The following IL6ST variants were observed in gnomAD, a reference collection of about 807,000 sequenced individuals.
The protein encoded by IL6ST is interleukin-6 receptor subunit beta.
IL6ST carries 24 observed loss-of-function variants against 91.3 expected under a neutral mutation model. The observed-to-expected ratio is 0.26, with a 90% CI of 0.19 to 0.37. The LOEUF (loss-of-function observed/expected upper bound fraction) is 0.37. Among genes scored for constraint, IL6ST ranks in the 10% least tolerant of loss-of-function variants. The pLI is 1.00. For missense variants in IL6ST, 914 were observed against 1,078.5 expected, an observed-to-expected ratio of 0.85 and a Z score of 2.14; for synonymous variants, 351 against 373.6, an observed-to-expected ratio of 0.94 and a Z score of 0.70.
At chr5:55,954,286 A>C (rs980613841) in intron 11 of IL6ST, among the ~76,000 whole-genome samples, 1 of 152,220 alleles carries the variant, frequency 6.6e-6, no homozygotes, top group African/African-American at 2.4e-5. Context: ...AAGTTGTTGT[A>C]TCACTTTATA....
At chr5:55,964,370 G>A in intron 5 of IL6ST, 58 bp from the exon 6 acceptor site, 3 of 1,283,008 alleles carry the variant, frequency 2.3e-6, no homozygotes, top group Admixed American at 2.1e-5. Flanking sequence ...AAATTAGAGT[G>A]AAAAAAATTA....
At chr5:55,944,626 TAGCGCCATTTTTTTGGAAACCTC>T (rs1751128510) in intron 15 of IL6ST, 1 of 718,154 alleles carries the variant, frequency 1.4e-6, no homozygotes, top group Non-Finnish European at 2.4e-6. Context: ...CTCTCGGCCT[TAGCGCCATTTTTTTGGAAACCTC>T]GGCGCCATGA....
Position 55,960,674 on chromosome 5 carries a change from T to C in IL6ST, c.814-113A>G, listed in dbSNP as rs367556482. ...GCACAGCCTTGCTCTGTTGCCCAGG[T>C]TGGAGTGCAGTGGTGCGATCTTGGC... On this transcript the variant is annotated intron_variant, in intron 7 of 16. Coordinates refer to ENST00000381298, the MANE Select transcript of IL6ST (RefSeq NM_002184.4). 1,438 of 950,500 alleles carry C rather than the reference T, an allele frequency of 1.5e-3. 3 individuals carry two copies. The highest frequency in any genetic ancestry group is 3.4e-3 in the Middle Eastern group (15 of 4,354). 58.9% of individuals were successfully genotyped at this position (950,500 alleles called of 1,614,324 possible).
chr5:55,955,291 C>G (rs956668352), intron 10 of IL6ST, among the ~76,000 whole-genome samples: 1 of 152,150 alleles, frequency 6.6e-6, no homozygotes, highest in African/African-American at 2.4e-5. Context: ...AACCCCGTCT[C>G]TACTAAAAAT....
intron 2 of IL6ST, among the ~76,000 whole-genome samples, chr5:55,981,507 G>A (rs181809451): frequency 3.3e-5 from 5 of 152,258 alleles, no homozygotes; most frequent in Admixed American, 6.5e-5. Flanking sequence ...GCCGGGCATG[G>A]TGGCGCACAC....
At chr5:55,977,241 A>G (rs1190787176) in intron 2 of IL6ST, among the ~76,000 whole-genome samples, 1 of 151,542 alleles carries the variant, frequency 6.6e-6, no homozygotes. Context: ...TATACATTGT[A>G]TAACTCTATT....
intron 14 of IL6ST, 61 bp from the exon 15 acceptor site, chr5:55,947,650 A>G (rs1481284329): frequency 2.1e-6 from 2 of 946,742 alleles, no homozygotes; most frequent in Non-Finnish European, 3.2e-6. Flanking sequence ...TGACATATGA[A>G]CTAAGAAGAC....
intron 4 of IL6ST, among the ~76,000 whole-genome samples, chr5:55,969,003 G>A (rs1442455055): frequency 6.6e-6 from 1 of 152,144 alleles, no homozygotes; most frequent in Admixed American, 6.5e-5. Flanking sequence ...AGACCAGCCT[G>A]GCCAACATGG....
chr5:55,941,747 C>A lies in IL6ST; in HGVS notation c.2092G>T (p.Ala698Ser). 1 of 1,613,878 alleles carries A rather than the reference C, an allele frequency of 6.2e-7. No individual in the cohort carries two copies. The highest frequency in any genetic ancestry group is 2.2e-5 in the East Asian group (1 of 44,888). The change falls in exon 17 of 17, where the codon GCA becomes TCA. Residue 698 changes from alanine to serine, a missense_variant. Transcript: ENST00000381298. ...TCTGGAAAAGGCTTTTTGTCATTTG[C>A]TTCTATTTCCACAACACTTACATCA... ...FTDVSVVEIE[A>S]NDKKPFPEDL...
chr5:55,976,378 TA>T, intron 2 of IL6ST, 85 bp from the exon 3 acceptor site: 1 of 629,878 alleles, frequency 1.6e-6, no homozygotes. Context: ...TTCCATGCTG[TA>T]GCTGTGTTTC....
chr5:55,953,694 A>C (rs758036868), intron 11 of IL6ST, among the ~76,000 whole-genome samples: 109 of 152,322 alleles, frequency 7.2e-4, no homozygotes, highest in Non-Finnish European at 1.4e-3. Flanking sequence ...TGCTGCTTTA[A>C]AAAGTTTCTA....
intron 1 of IL6ST, among the ~76,000 whole-genome samples, chr5:55,993,762 T>C (rs1754466594): frequency 6.6e-6 from 1 of 152,204 alleles, no homozygotes; most frequent in African/African-American, 2.4e-5. Context: ...TTTCAGTTCA[T>C]AGTTCAAAAA....
Position 55,956,175 on chromosome 5 carries a change from A to G in IL6ST, c.1117T>C (p.Trp373Arg). Residue 373 changes from tryptophan (W) to arginine (R), a missense_variant, in exon 10 of 17, where the codon TGG (tryptophan) becomes CGG (arginine). Physicochemically the swap from Trp to Arg is moderately radical, Grantham distance 101 (BLOSUM62 -3). Transcript: ENST00000381298. Reference sequence around the variant, plus strand: ...GTGTAATTTTGTAAATGTGATTTCCATCTTGTGAGAGTCACTTCATAATCC... The same window carrying G: ...GTGTAATTTTGTAAATGTGATTTCCGTCTTGTGAGAGTCACTTCATAATCC... ...ILDYEVTLTR[W>R]KSHLQNYTVN... The G allele has an allele frequency of 6.2e-7, 1 of 1,612,920 alleles. No individual in the cohort carries two copies. The highest frequency in any genetic ancestry group is 1.1e-5 in the South Asian group (1 of 91,046).
At position 55,960,434 on chromosome 5, in the gene IL6ST, C is replaced by T. The variant is rs1752242010; in HGVS notation, c.941G>A (p.Ser314Asn). Residue 314 changes from serine (S) to asparagine (N), a missense_variant, in exon 8 of 17, where the codon AGT (serine) becomes AAT (asparagine). By Grantham distance (46) the Ser-to-Asn change is conservative. Transcript: ENST00000381298. ...EDGKGYWSDW[S>N]EEASGITYED... ...ATAGGTGATCCCACTTGCTTCTTCA[C>T]TCCAGTCACTCCAGTATCCCTTACC... The T allele has an allele frequency of 6.2e-7, 1 of 1,613,814 alleles. No individual in the cohort carries two copies. The highest frequency in any genetic ancestry group is 1.1e-5 in the South Asian group (1 of 91,052).
rs1750815992 is a variant in IL6ST, at chr5:55,940,280, A to AT, written c.*801dup. The AT allele has an allele frequency of 4.7e-6, 1 of 212,494 alleles. No individual in the cohort carries two copies. Among genetic ancestry groups the AT allele is most frequent in the Non-Finnish European group, 9.5e-6 (1 of 104,990 alleles). 13.2% of individuals were successfully genotyped at this position (212,494 alleles called of 1,614,324 possible). The stretch of plus-strand genomic sequence containing the variant: ...ACAATTTAAGCCTTTAAAAATGGCA[A>AT]TTTTTTAGATGCTTGAGATAGTTTG... On this transcript the variant is annotated 3_prime_UTR_variant, in exon 17 of 17. Transcript: ENST00000381298.
chr5:55,946,968 G>A (rs2111632666), intron 15 of IL6ST, among the ~76,000 whole-genome samples: 1 of 151,916 alleles, frequency 6.6e-6, no homozygotes, highest in Middle Eastern at 3.4e-3. Context: ...CACTTTGGGA[G>A]GCTGAGGGTG....
intron 14 of IL6ST, chr5:55,948,791 C>T (rs1400591679): frequency 1.3e-5 from 2 of 152,134 alleles, no homozygotes; most frequent in African/African-American, 2.4e-5. Flanking sequence ...CAAGTATTTT[C>T]TTCTTCATAA....
rs1751329905 is a variant in IL6ST at position 55,947,352 on chromosome 5, G to A, written c.1937+141C>T. 6.6e-6 allele frequency: 4 copies of A among 603,422 alleles called. No homozygotes were observed. The South Asian group carries it at 8.7e-5, about 13-fold the overall frequency. The allele number at this position is 603,422 out of a possible 1,614,324, so 37.4% of individuals were successfully genotyped here. A position where few individuals can be genotyped will look rare whatever the true frequency, so the allele number is the denominator to read the frequency against. ...AAGTGATGAAAATGTTCTATATTGT[G>A]ATTATGGTGGTAGTTATACATCTGT... On this transcript the variant is annotated intron_variant, in intron 15 of 16. Transcript: ENST00000381298.
intron 2 of IL6ST, among the ~76,000 whole-genome samples, chr5:55,981,087 T>A (rs144953242): frequency 6.6e-6 from 1 of 152,176 alleles, no homozygotes; most frequent in African/African-American, 2.4e-5. Context: ...ATGAAAGAAT[T>A]TATGATTACT....
Sources: gnomAD v4.1 joint callset for allele counts (sites outside exome capture counted in the v4.1 genomes callset) on GRCh38, gnomAD v4.1.1 for gene constraint, MANE v1.5 for transcripts, NCBI Gene and HGNC (gene_info 2026-07-23, HGNC 2026-07-21) for gene names.